The following SUSD5 variants were observed in gnomAD, a reference collection of about 807,000 sequenced individuals.
SUSD5 encodes sushi domain containing 5, also known as sushi domain-containing protein 5.
SUSD5 carries 33 observed loss-of-function variants against 29.5 expected under a neutral mutation model. That is an observed-to-expected ratio of 1.12 (90% confidence interval 0.85 to 1.49). The LOEUF (loss-of-function observed/expected upper bound fraction) is 1.49. Among genes scored for constraint, SUSD5 ranks in the 40% most tolerant of loss-of-function variants. The probability of loss-of-function intolerance (pLI) is 0.00; values close to 1 mark genes in which losing one functional copy is unlikely to be tolerated. For synonymous variants in SUSD5, 308 were observed against 325.3 expected, an observed-to-expected ratio of 0.95 and a Z score of 0.57; for missense variants, 776 against 800.6, an observed-to-expected ratio of 0.97 and a Z score of 0.37.
intron 3 of SUSD5, among the ~76,000 whole-genome samples, chr3:33,180,120 C>G (rs142510917): frequency 6.6e-6 from 1 of 152,218 alleles, no homozygotes; most frequent in South Asian, 2.1e-4. Context: ...TTAGAGTGTA[C>G]TACTACTTAT....
intron 2 of SUSD5, among the ~76,000 whole-genome samples, chr3:33,209,437 T>G (rs1032329339): frequency 2.6e-5 from 4 of 152,140 alleles, no homozygotes; most frequent in African/African-American, 9.6e-5. Context: ...TTTTACCCTT[T>G]GTTGTATAAT....
intron 4 of SUSD5, among the ~76,000 whole-genome samples, chr3:33,171,002 T>G (rs983282067): frequency 6.6e-6 from 1 of 152,238 alleles, no homozygotes; most frequent in Non-Finnish European, 1.5e-5. Flanking sequence ...CGCAGGAACC[T>G]CATCTCTAAG....
intron 3 of SUSD5, among the ~76,000 whole-genome samples, chr3:33,195,938 T>C (rs987593018): frequency 6.6e-6 from 1 of 152,176 alleles, no homozygotes. Flanking sequence ...TAATAGAAAA[T>C]CTATTCTAAT....
chr3:33,193,350 A>G (rs2031935411), intron 3 of SUSD5, among the ~76,000 whole-genome samples: 1 of 152,242 alleles, frequency 6.6e-6, no homozygotes, highest in Non-Finnish European at 1.5e-5. Flanking sequence ...GGATAGCAGC[A>G]CAGGAGCCAA....
intron 4 of SUSD5, among the ~76,000 whole-genome samples, chr3:33,159,412 T>C (rs2031126899): frequency 6.6e-6 from 1 of 152,190 alleles, no homozygotes; most frequent in Admixed American, 6.5e-5. Flanking sequence ...GCTTCTTCCC[T>C]GTCTCTTATG....
In SUSD5 at chr3:33,192,222, C is replaced by T. The variant is rs1046633141; in HGVS notation, c.409+15586G>A. ...CCAAGTAGCTGGGACTACAGGCATG[C>T]GCCACCACATCCAGCTAATTTTTTT... On this transcript the variant is annotated intron_variant, in intron 3 of 4. Coordinates refer to ENST00000309558, the MANE Select transcript of SUSD5 (RefSeq NM_015551.2). Among the ~76,000 whole-genome samples, 16 of 150,612 alleles carry T rather than the reference C, an allele frequency of 1.1e-4. No homozygotes were observed. The East Asian group carries it at 1.2e-3, about 11-fold the overall frequency.
At position 33,182,378 on chromosome 3, in the gene SUSD5, G is replaced by C. The variant is rs144435023; in HGVS notation, c.410-7304C>G. Among the ~76,000 whole-genome samples the C allele has an allele frequency of 5.1e-3, 777 of 152,324 alleles. 7 individuals carry two copies. The highest frequency in any genetic ancestry group is 0.018 in the African/African-American group (738 of 41,576). ...CCTAGCAAATGTTCCATGTGAGCCT[G>C]AGAAGAATGTGTAATCAGCTGTTGT... is the stretch of plus-strand genomic sequence containing the variant. On this transcript the variant is annotated intron_variant, in intron 3 of 4. Coordinates refer to ENST00000309558, the MANE Select transcript of SUSD5 (RefSeq NM_015551.2).
chr3:33,175,108 A>C (rs781432281), intron 3 of SUSD5, 34 bp from the exon 4 acceptor site: 1 of 1,606,782 alleles, frequency 6.2e-7, no homozygotes, highest in Non-Finnish European at 8.5e-7. Context: ...GCTTTTCCAA[A>C]CTGTGCGGAA....
intron 3 of SUSD5, among the ~76,000 whole-genome samples, chr3:33,183,848 T>G (rs545528404): frequency 6.6e-6 from 1 of 151,982 alleles, no homozygotes; most frequent in East Asian, 1.9e-4. Flanking sequence ...CTTTCACTTT[T>G]GAAGGACAAT....
chr3:33,192,753 G>A (rs2031918316), intron 3 of SUSD5, among the ~76,000 whole-genome samples: 1 of 152,036 alleles, frequency 6.6e-6, no homozygotes, highest in Non-Finnish European at 1.5e-5. Context: ...GAAGGTGGAG[G>A]TTGTGGTGGG....
chr3:33,213,977 A>C lies in SUSD5; in HGVS notation c.241T>G (p.Cys81Gly). ...ADELRRVVQDCSFAVCTTGWL... is the reference protein window; with the variant it reads ...ADELRRVVQDGSFAVCTTGWL... ...CCAGTGGTGCACACCGCAAAGGAGC[A>C]ATCCTGTACCACTCTCCGCAGCTCG... Residue 81 changes from cysteine to glycine, a missense_variant, in exon 2 of 5, where the codon TGC becomes GGC. Physicochemically the swap from Cys to Gly is radical, Grantham distance 159 (BLOSUM62 -3). Coordinates refer to ENST00000309558, the MANE Select transcript of SUSD5 (RefSeq NM_015551.2). 1 of 1,612,994 alleles carries C rather than the reference A, an allele frequency of 6.2e-7. No individual in the cohort carries two copies. The highest frequency in any genetic ancestry group is 8.5e-7 in the Non-Finnish European group (1 of 1,179,460).
In SUSD5 at chr3:33,204,365, G is replaced by C. The variant is rs374524887; in HGVS notation, c.409+3443C>G. Among the ~76,000 whole-genome samples, 8 of 152,038 alleles carry C rather than the reference G, an allele frequency of 5.3e-5. No individual in the cohort carries two copies. The South Asian group carries it at 8.3e-4, about 16-fold the overall frequency. Reference sequence around the variant, plus strand: ...TGAGACAGTCTTGTTCTGTCACCCAGGGTGGAGTGCAGTGGTGCGATCTCG... The same window carrying C: ...TGAGACAGTCTTGTTCTGTCACCCACGGTGGAGTGCAGTGGTGCGATCTCG... On this transcript the variant is annotated intron_variant, in intron 3 of 4. Coordinates refer to ENST00000309558, the MANE Select transcript of SUSD5 (RefSeq NM_015551.2). This position sits in a 1 kb window ranked among gnomAD's most constrained non-coding sequence, Gnocchi z 4.5.
intron 2 of SUSD5, 52 bp from the exon 3 acceptor site, chr3:33,207,978 A>G: frequency 1.5e-6 from 2 of 1,357,878 alleles, no homozygotes; most frequent in South Asian, 1.2e-5. Context: ...GTTGAAAATA[A>G]TAAGGAATAA....
chr3:33,156,951 CGT>C (rs1300058913), intron 4 of SUSD5, among the ~76,000 whole-genome samples: 2 of 152,198 alleles, frequency 1.3e-5, no homozygotes, highest in Non-Finnish European at 1.5e-5. Context: ...CAAATGCATG[CGT>C]GTTTTATGCT....
chr3:33,172,519 G>A (rs1332066693), intron 4 of SUSD5, among the ~76,000 whole-genome samples: 1 of 152,198 alleles, frequency 6.6e-6, no homozygotes, highest in African/African-American at 2.4e-5. Flanking sequence ...CTGCTTCAAG[G>A]CGACATATTG....
chr3:33,177,977 T>C (rs1307400611), intron 3 of SUSD5, among the ~76,000 whole-genome samples: 1 of 148,318 alleles, frequency 6.7e-6, no homozygotes, highest in East Asian at 2.0e-4. Flanking sequence ...TCTTATTTTA[T>C]TGTATTAGCT....
intron 4 of SUSD5, chr3:33,168,532 T>C: frequency 4.1e-6 from 4 of 985,482 alleles, no homozygotes; most frequent in South Asian, 9.4e-5. Flanking sequence ...AGGGGACAGC[T>C]AGTTTGCAAG....
intron 4 of SUSD5, among the ~76,000 whole-genome samples, chr3:33,157,712 CCTTTG>C (rs1052204584): frequency 1.1e-4 from 16 of 152,208 alleles, no homozygotes; most frequent in African/African-American, 3.9e-4. Flanking sequence ...GTGTTGCATA[CCTTTG>C]CTCTCTGCCT....
chr3:33,199,560 A>G (rs1307225973), intron 3 of SUSD5, among the ~76,000 whole-genome samples: 2 of 152,274 alleles, frequency 1.3e-5, no homozygotes, highest in African/African-American at 4.8e-5. Context: ...GGCGTGAGCC[A>G]CCACGCCCAA....
Sources: gnomAD v4.1 joint callset for allele counts (sites outside exome capture counted in the v4.1 genomes callset) on GRCh38, gnomAD v4.1.1 for gene constraint, Gnocchi (gnomAD v3.1) non-coding constraint, MANE v1.5 for transcripts, NCBI Gene and HGNC (gene_info 2026-07-23, HGNC 2026-07-21) for gene names.